GPC5: variants seen among roughly 807,000 people sequenced by gnomAD.
GPC5 encodes glypican 5.
GPC5 carries 47 observed loss-of-function variants against 53.9 expected under a neutral mutation model. The ratio of observed to expected loss-of-function variants is 0.87; its 90% CI spans 0.69 to 1.11. The LOEUF (loss-of-function observed/expected upper bound fraction) is 1.11. Ranked by LOEUF, GPC5 falls within the 50% of genes most tolerant of loss-of-function variation. The pLI, the probability that GPC5 is intolerant of heterozygous loss-of-function variation, is 0.00. For synonymous variants in GPC5, 286 were observed against 263.3 expected (o/e 1.09, Z -0.84); for missense variants, 748 against 713.1 (o/e 1.05, Z -0.56).
chr13:92,806,716 G>T (rs1877114060), intron 7 of GPC5, among the ~76,000 whole-genome samples: 1 of 152,056 alleles, frequency 6.6e-6, no homozygotes, highest in Non-Finnish European at 1.5e-5. Context: ...GGAGCAGTCA[G>T]TGCACACACG....
chr13:92,411,226 C>T (rs539786517), intron 7 of GPC5, among the ~76,000 whole-genome samples: 36 of 152,166 alleles, frequency 2.4e-4, no homozygotes, highest in Non-Finnish European at 3.5e-4. Flanking sequence ...GCCGAGATCA[C>T]GCCACTGCAC....
At chr13:92,645,526 G>T (rs866153881) in intron 7 of GPC5, among the ~76,000 whole-genome samples, 1 of 151,958 alleles carries the variant, frequency 6.6e-6, no homozygotes, top group Non-Finnish European at 1.5e-5. Context: ...TATGTATTAC[G>T]TTTTCCTTGA....
At chr13:92,193,417 C>T (rs1283768003) in intron 7 of GPC5, among the ~76,000 whole-genome samples, 1 of 152,102 alleles carries the variant, frequency 6.6e-6, no homozygotes, top group Non-Finnish European at 1.5e-5. Context: ...GAAAGAGTAA[C>T]AGTATTCACT....
intron 7 of GPC5, among the ~76,000 whole-genome samples, chr13:92,657,255 A>G (rs1175587394): frequency 2.0e-5 from 3 of 152,156 alleles, no homozygotes; most frequent in Non-Finnish European, 4.4e-5. Flanking sequence ...TATTTAAATA[A>G]AAAGAAAAAG....
intron 7 of GPC5, among the ~76,000 whole-genome samples, chr13:92,221,748 C>A (rs544096608): frequency 6.6e-6 from 1 of 152,160 alleles, no homozygotes; most frequent in Non-Finnish European, 1.5e-5. Context: ...TGCAATGCAA[C>A]CTTTCTTCAT....
intron 2 of GPC5, among the ~76,000 whole-genome samples, chr13:91,631,130 A>G (rs188892720): frequency 1.3e-5 from 2 of 152,300 alleles, no homozygotes; most frequent in Admixed American, 1.3e-4. Context: ...AGTGGAATTT[A>G]GGGATGAATA....
intron 7 of GPC5, among the ~76,000 whole-genome samples, chr13:92,495,164 C>A (rs9523686): frequency 0.094 from 14,331 of 152,216 alleles, 801 homozygotes; most frequent in Non-Finnish European, 0.13. Flanking sequence ...ATTACATTGC[C>A]AATGTCATTA....
At chr13:92,676,251 G>A (rs1352133309) in intron 7 of GPC5, among the ~76,000 whole-genome samples, 1 of 152,108 alleles carries the variant, frequency 6.6e-6, no homozygotes, top group African/African-American at 2.4e-5. Context: ...ATAGCTCTTA[G>A]TTTAGTTTCT....
In GPC5 at chr13:92,385,298, C is replaced by T. The variant is rs555474899; in HGVS notation, c.1561+240309C>T. 2.7e-3 allele frequency among the ~76,000 whole-genome samples: 398 copies of T among 145,982 alleles called. 2 individuals carry two copies. The highest frequency in any genetic ancestry group is 3.9e-3 in the African/African-American group (155 of 39,950). On this transcript the variant is annotated intron_variant, in intron 7 of 7. Coordinates refer to ENST00000377067, the MANE Select transcript of GPC5 (RefSeq NM_004466.6). ...ACTGTTTATGCAGTATAGTCCTATT[C>T]GTAGGCACTTCCTATATATATACAT...
intron 6 of GPC5, among the ~76,000 whole-genome samples, chr13:91,948,986 AGT>A (rs2040001639): frequency 6.6e-6 from 1 of 152,194 alleles, no homozygotes; most frequent in Non-Finnish European, 1.5e-5. Flanking sequence ...ATATTAAGAA[AGT>A]GCACCAGATG....
At chr13:92,483,882 C>G (rs1879451848) in intron 7 of GPC5, among the ~76,000 whole-genome samples, 1 of 151,936 alleles carries the variant, frequency 6.6e-6, no homozygotes, top group South Asian at 2.1e-4. Context: ...AATCCCAGCA[C>G]TCTGGGAGGT....
chr13:91,737,273 G>A (rs2036836527), intron 4 of GPC5, among the ~76,000 whole-genome samples: 1 of 151,344 alleles, frequency 6.6e-6, no homozygotes, highest in Non-Finnish European at 1.5e-5. Flanking sequence ...TTTGGTTTAG[G>A]CTGGTCTGTT....
At chr13:92,248,718 C>G (rs187491799) in intron 7 of GPC5, among the ~76,000 whole-genome samples, 1 of 152,094 alleles carries the variant, frequency 6.6e-6, no homozygotes, top group Non-Finnish European at 1.5e-5. Context: ...GGATTCTAAC[C>G]TGCAAAAGGC....
intron 5 of GPC5, among the ~76,000 whole-genome samples, chr13:91,834,145 A>G (rs2038695918): frequency 6.6e-6 from 1 of 152,196 alleles, no homozygotes; most frequent in Non-Finnish European, 1.5e-5. Flanking sequence ...CCCATTCACA[A>G]TTGCTACAAA....
chr13:91,633,166 A>G (rs2034201906), intron 2 of GPC5, among the ~76,000 whole-genome samples: 1 of 152,186 alleles, frequency 6.6e-6, no homozygotes, highest in South Asian at 2.1e-4. Flanking sequence ...AAGACAGTGG[A>G]CATAGATGAA....
chr13:92,777,974 A>C (rs537665152), intron 7 of GPC5, among the ~76,000 whole-genome samples: 1 of 152,348 alleles, frequency 6.6e-6, no homozygotes, highest in South Asian at 2.1e-4. Context: ...TGGTACACAC[A>C]AAAATATTTC....
intron 6 of GPC5, among the ~76,000 whole-genome samples, chr13:91,981,291 C>T (rs1245540988): frequency 8.7e-6 from 1 of 115,022 alleles, no homozygotes; most frequent in Non-Finnish European, 1.7e-5. Context: ...AGAGTTCTTA[C>T]CTTTTTTTTT....
At chr13:92,438,851 G>A (rs1429795750) in intron 7 of GPC5, among the ~76,000 whole-genome samples, 1 of 152,066 alleles carries the variant, frequency 6.6e-6, no homozygotes, top group African/African-American at 2.4e-5. Context: ...CCACTGGAAG[G>A]ATGATGGGCT....
chr13:91,913,654 T>A (rs1270447981), intron 6 of GPC5, among the ~76,000 whole-genome samples: 1 of 152,126 alleles, frequency 6.6e-6, no homozygotes, highest in African/African-American at 2.4e-5. Context: ...TCCTTCTGAA[T>A]TGAGAATGGG....
Sources: allele counts gnomAD v4.1 joint callset (sites outside exome capture counted in the v4.1 genomes callset), GRCh38; gene constraint gnomAD v4.1.1; transcripts MANE v1.5; gene names NCBI Gene and HGNC (gene_info 2026-07-23, HGNC 2026-07-21).